Variants in YAE1 observed in about 807,000 individuals in gnomAD.
The protein encoded by YAE1 is YAE1 maturation factor of ABCE1, also known as protein YAE1 homolog.
In YAE1, 22 loss-of-function variants were observed where a neutral mutation model predicts 23.0. The observed-to-expected ratio is 0.96, with a 90% confidence interval of 0.68 to 1.37. The LOEUF is 1.37. Ranked by LOEUF, YAE1 falls within the 40% of genes most tolerant of loss-of-function variation. The pLI is 0.00. For synonymous variants in YAE1, 101 were observed against 97.0 expected (o/e 1.04, Z -0.24); for missense variants, 260 against 262.1 (o/e 0.99, Z 0.06).
chr7:39,603,025 A>T (rs939774368), intron 2 of YAE1, among the ~76,000 whole-genome samples: 1 of 152,254 alleles, frequency 6.6e-6, no homozygotes, highest in Non-Finnish European at 1.5e-5. Context: ...CTGGGATTAC[A>T]GGCGTTAGCC....
chr7:39,603,081 C>G (rs376629343), intron 2 of YAE1, among the ~76,000 whole-genome samples: 1 of 152,092 alleles, frequency 6.6e-6, no homozygotes, highest in Non-Finnish European at 1.5e-5. Flanking sequence ...TAATTCTGTG[C>G]CCCAGAAAAG....
chr7:39,598,797 A>AAAGAAGAAG (rs562386955), intron 2 of YAE1, among the ~76,000 whole-genome samples: 9 of 148,430 alleles, frequency 6.1e-5, no homozygotes, highest in Admixed American at 2.0e-4. Context: ...AAAAAAAAAA[A>AAAGAAGAAG]AAGAAGAAGA....
intron 2 of YAE1, among the ~76,000 whole-genome samples, chr7:39,580,511 G>A (rs1382318387): frequency 6.6e-6 from 1 of 151,596 alleles, no homozygotes; most frequent in African/African-American, 2.4e-5. Context: ...TTTCATGCAT[G>A]TGTATGCAAC....
chr7:39,600,735 T>C (rs927301496), intron 2 of YAE1, among the ~76,000 whole-genome samples: 2 of 152,082 alleles, frequency 1.3e-5, no homozygotes, highest in African/African-American at 2.4e-5. Flanking sequence ...GGGACAAACA[T>C]GCACACTAGG....
At chr7:39,580,682 A>C (rs1159503419) in intron 2 of YAE1, among the ~76,000 whole-genome samples, 1 of 152,210 alleles carries the variant, frequency 6.6e-6, no homozygotes, top group African/African-American at 2.4e-5. Context: ...GGTCACAAGT[A>C]CAAGAAGCTA....
At chr7:39,591,037 G>A (rs761443824) in intron 2 of YAE1, among the ~76,000 whole-genome samples, 8 of 152,270 alleles carry the variant, frequency 5.3e-5, no homozygotes, top group Non-Finnish European at 8.8e-5. Flanking sequence ...TGGCAGGCTT[G>A]GTTCCTTCTG....
At chr7:39,569,416 A>T (rs1453548948) in intron 1 of YAE1, 1 of 474,700 alleles carries the variant, frequency 2.1e-6, no homozygotes, top group Non-Finnish European at 4.2e-6. Flanking sequence ...GTGTTGTGTT[A>T]TGGCATTCTG....
chr7:39,581,436 T>C (rs1790741462), intron 2 of YAE1, among the ~76,000 whole-genome samples: 1 of 152,236 alleles, frequency 6.6e-6, no homozygotes, highest in Non-Finnish European at 1.5e-5. Context: ...GGGTATAATG[T>C]AAATAACCTG....
At position 39,609,907 on chromosome 7, in the gene YAE1, G is replaced by A. The variant is rs1398100440; in HGVS notation, c.542G>A (p.Trp181Ter). ...GACCCTGCAGCAGCCTGCCCCGCCT[G>A]GCCGCCAGAGGCACCTTCCAACTCC... The change falls in exon 3 of 3, where the codon TGG becomes TAG. Residue 181 changes from tryptophan (W) to a stop codon, truncating the protein, a stop_gained. Transcript: ENST00000432096. LOFTEE classifies it high-confidence loss of function. 3 of 1,530,592 alleles carry A rather than the reference G, an allele frequency of 2.0e-6. No homozygotes were observed. The highest frequency in any genetic ancestry group is 2.6e-6 in the Non-Finnish European group (3 of 1,144,542). The allele number at this position is 1,530,592 out of a possible 1,614,324, so 94.8% of individuals were successfully genotyped here.
chr7:39,601,949 T>C (rs926887297), intron 2 of YAE1, among the ~76,000 whole-genome samples: 2 of 152,068 alleles, frequency 1.3e-5, no homozygotes, highest in Non-Finnish European at 2.9e-5. Context: ...TGCCGAAGAG[T>C]GCCCAGCAAG....
downstream of YAE1, among the ~76,000 whole-genome samples, chr7:39,577,037 G>A (rs1409954058): frequency 6.6e-6 from 1 of 152,092 alleles, no homozygotes; most frequent in African/African-American, 2.4e-5. Flanking sequence ...TGGGATTACA[G>A]GGGCCTGCCA....
intron 2 of YAE1, among the ~76,000 whole-genome samples, chr7:39,578,405 C>A (rs150594188): frequency 6.6e-6 from 1 of 152,144 alleles, no homozygotes; most frequent in Non-Finnish European, 1.5e-5. Flanking sequence ...GCAGGCTGCC[C>A]AAGGGTCTAG....
chr7:39,566,428 G>T lies in YAE1; in HGVS notation c.10G>T (p.Val4Phe), dbSNP rs974860447. Residue 4 changes from valine (V) to phenylalanine (F), a missense_variant, in exon 1 of 3, where the codon GTT becomes TTT. Val to Phe is a conservative substitution (Grantham distance 50). Transcript: ENST00000223273. MSW[V>F]QAASLIQGPG... ...CGTAATTGCCTCGGTGATGTCGTGG[G>T]TTCAAGCAGCCTCCTTGATCCAGGG... 43 of 1,613,984 alleles carry T rather than the reference G, an allele frequency of 2.7e-5. No homozygotes were observed. The highest frequency in any genetic ancestry group is 3.6e-5 in the Non-Finnish European group (42 of 1,179,956).
At chr7:39,603,200 A>C (rs1357405640) in intron 2 of YAE1, among the ~76,000 whole-genome samples, 1 of 152,004 alleles carries the variant, frequency 6.6e-6, no homozygotes, top group East Asian at 1.9e-4. Context: ...CCCAGGCTGG[A>C]GTGCAGTGGC....
rs897939113 is a variant in YAE1 at position 39,609,569 on chromosome 7, G to A, written c.252-48G>A. The A allele has an allele frequency of 2.0e-6, 3 of 1,514,152 alleles. No homozygotes were observed. In the African/African-American group the frequency reaches 4.1e-5, roughly 21 times the overall value. The allele number at this position is 1,514,152 out of a possible 1,614,324, so 93.8% of individuals were successfully genotyped here. ...GAGAATGGGGAAAGTTGTGGGGACA[G>A]TGATAACAGAGCCAAATCTCTGTCT... On this transcript the variant is annotated intron_variant, in intron 2 of 2. Transcript: ENST00000432096.
At chr7:39,595,193 C>T (rs2876857) in intron 2 of YAE1, among the ~76,000 whole-genome samples, 17,273 of 151,822 alleles carry the variant, frequency 0.11, 2,440 homozygotes, top group African/African-American at 0.33. Flanking sequence ...ATTCTATTTC[C>T]GTGGATAAGT....
chr7:39,568,253 TAATA>T (rs1790507182), intron 1 of YAE1, among the ~76,000 whole-genome samples: 1 of 151,006 alleles, frequency 6.6e-6, no homozygotes, highest in South Asian at 2.1e-4. Flanking sequence ...ATAATGATAA[TAATA>T]AATATATATA....
exon 3 of YAE1, chr7:39,609,777 G>C: frequency 6.5e-7 from 1 of 1,533,104 alleles, no homozygotes; most frequent in Non-Finnish European, 8.7e-7. Context: ...GCTGAGCCTG[G>C]TTCCCCAAAG....
intron 2 of YAE1, among the ~76,000 whole-genome samples, chr7:39,593,523 C>G (rs950903637): frequency 2.0e-5 from 3 of 152,168 alleles, no homozygotes; most frequent in Non-Finnish European, 2.9e-5. Context: ...GCTGGGTTTA[C>G]AGGCATGAGC....
Sources: gnomAD v4.1 joint callset for allele counts (sites outside exome capture counted in the v4.1 genomes callset) on GRCh38, gnomAD v4.1.1 for gene constraint, MANE v1.5 for transcripts, NCBI Gene and HGNC (gene_info 2026-07-23, HGNC 2026-07-21) for gene names.